Variants in KSR2 observed in about 807,000 individuals in gnomAD.
KSR2 encodes the protein kinase suppressor of ras 2.
A neutral mutation model predicts 107.8 loss-of-function variants in KSR2; 25 were observed. That is an observed-to-expected ratio of 0.23 (90% CI 0.17 to 0.32). The LOEUF is 0.32. KSR2 is among the 10% of genes least tolerant of loss of function. KSR2 has a pLI of 1.00. For synonymous variants in KSR2, 480 were observed against 507.0 expected (o/e 0.95, Z 0.71); for missense variants, 887 against 1,268.9 (o/e 0.70, Z 4.57).
intron 14 of KSR2, among the ~76,000 whole-genome samples, chr12:117,487,203 G>GAC (rs1872512320): frequency 6.6e-6 from 1 of 152,154 alleles, no homozygotes; most frequent in African/African-American, 2.4e-5. Context: ...ATAGTAAACA[G>GAC]ACACACATAC....
intron 14 of KSR2, among the ~76,000 whole-genome samples, chr12:117,520,230 G>A (rs1258182655): frequency 6.6e-6 from 1 of 152,174 alleles, no homozygotes; most frequent in Non-Finnish European, 1.5e-5. Flanking sequence ...CTGCCTTTCT[G>A]ACCTCAGTTT....
At chr12:117,728,441 G>A (rs375584848) in intron 4 of KSR2, among the ~76,000 whole-genome samples, 66 of 152,296 alleles carry the variant, frequency 4.3e-4, no homozygotes, top group African/African-American at 1.6e-3. Flanking sequence ...GATGCTCAAA[G>A]CAAATTGGCC....
chr12:117,960,367 C>T (rs888704111), intron 1 of KSR2, among the ~76,000 whole-genome samples: 2 of 152,172 alleles, frequency 1.3e-5, no homozygotes, highest in African/African-American at 4.8e-5. Flanking sequence ...ATCTATGTAA[C>T]ATGCTCTGGC....
intron 5 of KSR2, among the ~76,000 whole-genome samples, chr12:117,593,019 G>A (rs113033384): frequency 2.0e-5 from 3 of 152,050 alleles, no homozygotes; most frequent in African/African-American, 4.8e-5. Context: ...TAATTTTACC[G>A]CTATGATCTG....
intron 4 of KSR2, among the ~76,000 whole-genome samples, chr12:117,752,516 A>T (rs1888647039): frequency 6.6e-6 from 1 of 152,264 alleles, no homozygotes; most frequent in South Asian, 2.1e-4. Context: ...ATGCCTACAA[A>T]CATGAATAAA....
intron 9 of KSR2, among the ~76,000 whole-genome samples, chr12:117,543,633 GAACT>G (rs1202797771): frequency 6.6e-6 from 1 of 152,134 alleles, no homozygotes; most frequent in Admixed American, 6.5e-5. Flanking sequence ...TGAATTTTGA[GAACT>G]GACTTCTTAA....
At chr12:117,804,370 T>C (rs1332259625) in intron 3 of KSR2, among the ~76,000 whole-genome samples, 1 of 152,180 alleles carries the variant, frequency 6.6e-6, no homozygotes, top group Admixed American at 6.5e-5. Context: ...GATTTCACAC[T>C]ACAATGGCAG....
chr12:117,962,563 G>A (rs576392830), intron 1 of KSR2, among the ~76,000 whole-genome samples: 1 of 151,522 alleles, frequency 6.6e-6, no homozygotes, highest in South Asian at 2.1e-4. Context: ...TCCTGCCTTA[G>A]CCTCCCGAGT....
rs186904461 is a variant in KSR2 at position 117,591,730 on chromosome 12, G to T, written c.1172-9371C>A. Reference sequence around the variant, plus strand: ...CCTGCTTAAAAAAAAAAAAAATGATGCAGTGGCTCACGTCCGTAATCCCAG... The same window carrying T: ...CCTGCTTAAAAAAAAAAAAAATGATTCAGTGGCTCACGTCCGTAATCCCAG... On this transcript the variant is annotated intron_variant, in intron 5 of 19. Coordinates refer to ENST00000339824, the MANE Select transcript of KSR2 (RefSeq NM_173598.6). Among the ~76,000 whole-genome samples, 543 of 151,314 alleles carry T rather than the reference G, an allele frequency of 3.6e-3. 1 individual carries two copies. Among genetic ancestry groups the T allele is most frequent in the Middle Eastern group, 0.031 (9 of 292 alleles).
In KSR2 at chr12:117,640,657, A is replaced by G. The variant is rs539813014; in HGVS notation, c.1171+26817T>C. Among the ~76,000 whole-genome samples the G allele has an allele frequency of 3.0e-4, 45 of 152,338 alleles. 1 individual carries two copies. The South Asian group carries it at 8.9e-3, about 30-fold the overall frequency. On this transcript the variant is annotated intron_variant, in intron 5 of 19. Coordinates refer to ENST00000339824, the MANE Select transcript of KSR2 (RefSeq NM_173598.6). Reference sequence around the variant, plus strand: ...GCACTTGAGGTTGGGCAGCAGCAGCAGCAACAGTCATGTCTAACTGGCTCC... The same window carrying G: ...GCACTTGAGGTTGGGCAGCAGCAGCGGCAACAGTCATGTCTAACTGGCTCC...
At chr12:117,894,189 G>A (rs1241304059) in intron 1 of KSR2, among the ~76,000 whole-genome samples, 4 of 152,134 alleles carry the variant, frequency 2.6e-5, no homozygotes, top group South Asian at 2.1e-4. Flanking sequence ...GATTACAGGC[G>A]TGAGCCACCG....
chr12:117,534,549 T>A (rs1875896687), intron 10 of KSR2, among the ~76,000 whole-genome samples: 1 of 152,196 alleles, frequency 6.6e-6, no homozygotes, highest in African/African-American at 2.4e-5. Flanking sequence ...TATGTTTATT[T>A]GGTTAATACC....
rs568951315 is a variant in KSR2 at position 117,696,517 on chromosome 12, G to C, written c.987-28859C>G. On this transcript the variant is annotated intron_variant, in intron 4 of 19. Coordinates refer to ENST00000339824, the MANE Select transcript of KSR2 (RefSeq NM_173598.6). ...GTGACCTACATCCTAGCACTGGTCGGGGGGAGTATCATGGTCTTGTACAAA... is the reference window on the plus strand; with the variant it reads ...GTGACCTACATCCTAGCACTGGTCGCGGGGAGTATCATGGTCTTGTACAAA... 5.3e-5 allele frequency among the ~76,000 whole-genome samples: 8 copies of C among 151,930 alleles called. No individual in the cohort carries two copies. In the East Asian group the frequency reaches 9.7e-4, roughly 18 times the overall value.
chr12:117,793,378 C>T (rs184023998), intron 3 of KSR2, among the ~76,000 whole-genome samples: 3 of 148,298 alleles, frequency 2.0e-5, no homozygotes, highest in Non-Finnish European at 3.0e-5. Flanking sequence ...CATGCACACA[C>T]ACCACTGTGC....
intron 1 of KSR2, among the ~76,000 whole-genome samples, chr12:117,951,006 C>G (rs1896349033): frequency 6.6e-6 from 1 of 151,934 alleles, no homozygotes; most frequent in African/African-American, 2.4e-5. Context: ...CTCCCGGATT[C>G]ATGCCATTCT....
intron 16 of KSR2, among the ~76,000 whole-genome samples, chr12:117,480,987 C>T (rs768097796): frequency 2.0e-5 from 3 of 151,884 alleles, no homozygotes; most frequent in Admixed American, 1.3e-4. Context: ...GCTTGAGCCT[C>T]GGAGGTTGAA....
chr12:117,849,138 G>A lies in KSR2; in HGVS notation c.472+6290C>T, dbSNP rs142652000. On this transcript the variant is annotated intron_variant, in intron 3 of 19. Transcript: ENST00000339824. Reference sequence around the variant, plus strand: ...AGGAGAAAGGAGAAAGAGAACGGAGGCTGCCCTAGCCACCTTATTTAATAT... The same window carrying A: ...AGGAGAAAGGAGAAAGAGAACGGAGACTGCCCTAGCCACCTTATTTAATAT... 6.6e-5 allele frequency among the ~76,000 whole-genome samples: 10 copies of A among 152,202 alleles called. No individual in the cohort carries two copies. The East Asian group carries it at 1.5e-3, about 23-fold the overall frequency.
chr12:117,742,309 A>C (rs564934884), intron 4 of KSR2, among the ~76,000 whole-genome samples: 1 of 152,336 alleles, frequency 6.6e-6, no homozygotes, highest in East Asian at 1.9e-4. Flanking sequence ...AAATCTAAAT[A>C]AGTTTGGAGA....
intron 3 of KSR2, among the ~76,000 whole-genome samples, chr12:117,784,696 T>C (rs1593233146): frequency 1.3e-5 from 2 of 152,230 alleles, no homozygotes; most frequent in East Asian, 1.9e-4. Flanking sequence ...TTCAGATCTG[T>C]GCAACAAGAC....
Sources: gnomAD v4.1 joint callset for allele counts (sites outside exome capture counted in the v4.1 genomes callset) on GRCh38, gnomAD v4.1.1 for gene constraint, MANE v1.5 for transcripts, NCBI Gene and HGNC (gene_info 2026-07-23, HGNC 2026-07-21) for gene names.